Variants in OR1M1 observed in about 807,000 individuals in gnomAD.
The protein encoded by OR1M1 is olfactory receptor 1M1.
For missense variants in OR1M1, 397 were observed against 401.8 expected (o/e 0.99, Z 0.10); for synonymous variants, 157 against 165.5 (o/e 0.95, Z 0.39).
At chr19:9,093,198 T>G (rs2050303927) in intron 1 of OR1M1, 34 bp from the exon 2 acceptor site, 1 of 1,378,698 alleles carries the variant, frequency 7.3e-7, no homozygotes, top group African/African-American at 1.4e-5. Flanking sequence ...CATCTCCCTG[T>G]CATTCCTATA....
chr19:9,093,019 TTCTCTC>T lies in OR1M1; in HGVS notation c.-13-199_-13-194del, dbSNP rs34983826. 1.2e-3 allele frequency among the ~76,000 whole-genome samples: 169 copies of T among 135,710 alleles called. 2 individuals carry two copies. In the South Asian group the frequency reaches 0.037, roughly 29 times the overall value. The allele number at this position is 135,710 out of a possible 152,430, so 89.0% of individuals were successfully genotyped here. On this transcript the variant is annotated intron_variant, in intron 1 of 1. Coordinates refer to ENST00000641627, the MANE Select transcript of OR1M1 (RefSeq NM_001004456.2). ...CATGTGTGGAATATATTTACATATA[TTCTCTC>T]TCTCTCTCTCTCTATATATATATAT...
chr19:9,087,223 C>T (rs1417388513), intron 1 of OR1M1, 66 bp downstream of exon 1: 1 of 152,076 alleles, frequency 6.6e-6, no homozygotes, highest in African/African-American at 2.4e-5. Context: ...TTAATGAAGC[C>T]AAGCTCAATG....
intron 1 of OR1M1, among the ~76,000 whole-genome samples, chr19:9,090,231 G>A (rs940169802): frequency 6.6e-6 from 1 of 152,154 alleles, no homozygotes; most frequent in African/African-American, 2.4e-5. Flanking sequence ...CAAATGTCTT[G>A]AGGACAGGGT....
chr19:9,088,852 C>T (rs1031106515), intron 1 of OR1M1, among the ~76,000 whole-genome samples: 1 of 150,464 alleles, frequency 6.6e-6, no homozygotes, highest in Admixed American at 6.7e-5. Context: ...TGCACCATTG[C>T]ACTCCTGCCT....
At chr19:9,089,943 A>G (rs182267821) in intron 1 of OR1M1, among the ~76,000 whole-genome samples, 7 of 152,338 alleles carry the variant, frequency 4.6e-5, no homozygotes, top group Admixed American at 1.3e-4. Context: ...TACATGCTCT[A>G]GATTTAGAAT....
intron 1 of OR1M1, among the ~76,000 whole-genome samples, chr19:9,089,009 C>G (rs1056324279): frequency 1.3e-5 from 2 of 152,140 alleles, no homozygotes; most frequent in Non-Finnish European, 2.9e-5. Flanking sequence ...ATTAGCACAT[C>G]TATTATCACA....
At chr19:9,093,109 C>CACACACACAT (rs572607972) in intron 1 of OR1M1, 123 bp from the exon 2 acceptor site, 8,285 of 488,562 alleles carry the variant, frequency 0.017, 41 homozygotes, top group Non-Finnish European at 0.02. Flanking sequence ...CACACACACA[C>CACACACACAT]ATATATATAT....
At chr19:9,092,402 T>G (rs1315249074) in intron 1 of OR1M1, among the ~76,000 whole-genome samples, 3 of 151,982 alleles carry the variant, frequency 2.0e-5, no homozygotes. Flanking sequence ...AAGACCAGCC[T>G]GGACAACATA....
At chr19:9,088,888 CAA>C (rs56097294) in intron 1 of OR1M1, among the ~76,000 whole-genome samples, 99,877 of 149,102 alleles carry the variant, frequency 0.67, 33,360 homozygotes, top group East Asian at 0.8. Flanking sequence ...AACTCTGTCT[CAA>C]AAAAAAAAAA....
At chr19:9,087,515 G>A (rs910225528) in intron 1 of OR1M1, among the ~76,000 whole-genome samples, 5 of 151,822 alleles carry the variant, frequency 3.3e-5, no homozygotes, top group South Asian at 4.2e-4. Flanking sequence ...GCAATGGCAC[G>A]ATCTTGGCTC....
chr19:9,094,116 GC>G lies in OR1M1; in HGVS notation c.873del (p.Leu292Ter). ...CCCATGCTGAATCCCTTCATCTACA[GC>G]TTGAGGAACAGAGACCTGAAAGGGG... ...VTPMLNPFIY[S>X]LRNRDLKGAL... On this transcript the variant is annotated frameshift_variant, in exon 2 of 2. Coordinates refer to ENST00000641627, the MANE Select transcript of OR1M1 (RefSeq NM_001004456.2). LOFTEE classifies it low-confidence loss of function (END_TRUNC). The G allele has an allele frequency of 1.2e-6, 2 of 1,613,704 alleles. No individual in the cohort carries two copies. The highest frequency in any genetic ancestry group is 1.7e-6 in the Non-Finnish European group (2 of 1,180,002).
intron 1 of OR1M1, 180 bp from the exon 2 acceptor site, chr19:9,093,052 T>TAC (rs1190613758): frequency 2.4e-4 from 81 of 342,652 alleles, no homozygotes; most frequent in African/African-American, 9.6e-4. Flanking sequence ...TATATATATA[T>TAC]ACACACACAC....
Position 9,093,615 on chromosome 19 carries a change from T to C in OR1M1, c.371T>C (p.Val124Ala). 6.2e-7 allele frequency: 1 copy of C among 1,614,186 alleles called. No individual in the cohort carries two copies. The highest frequency in any genetic ancestry group is 8.5e-7 in the Non-Finnish European group (1 of 1,180,016). The change falls in exon 2 of 2, where the codon GTG becomes GCG. Residue 124 changes from valine to alanine, a missense_variant. Coordinates refer to ENST00000641627, the MANE Select transcript of OR1M1 (RefSeq NM_001004456.2). ...GCCATGATGGCTTATGACCGGTTCG[T>C]GGCCATCTGCCACCCATTGCACTAC... The part of the protein sequence containing the change: ...IIAMMAYDRF[V>A]AICHPLHYAK...
intron 1 of OR1M1, among the ~76,000 whole-genome samples, 173 bp downstream of exon 1, chr19:9,087,330 T>G (rs1197189798): frequency 6.6e-6 from 1 of 152,160 alleles, no homozygotes. Context: ...CAGGCTGGAG[T>G]GCAGTGGCAC....
intron 1 of OR1M1, among the ~76,000 whole-genome samples, chr19:9,092,551 T>C (rs942242711): frequency 5.9e-5 from 9 of 152,034 alleles, no homozygotes; most frequent in African/African-American, 1.9e-4. Context: ...TGCAATGAAC[T>C]ATGATTGCAC....
intron 1 of OR1M1, among the ~76,000 whole-genome samples, chr19:9,091,012 A>G (rs2050289720): frequency 6.6e-6 from 1 of 151,806 alleles, no homozygotes. Context: ...TAAAAAGTAC[A>G]AAAAATTAGC....
chr19:9,089,370 A>G (rs117048885), intron 1 of OR1M1, among the ~76,000 whole-genome samples: 11,123 of 149,858 alleles, frequency 0.074, 511 homozygotes, highest in Middle Eastern at 0.1. Flanking sequence ...AAATGACAAG[A>G]TCTCCTTCAT....
At chr19:9,087,460 T>C (rs1278533191) in intron 1 of OR1M1, among the ~76,000 whole-genome samples, 2 of 141,998 alleles carry the variant, frequency 1.4e-5, no homozygotes, top group African/African-American at 5.3e-5. Context: ...TGAACATTTT[T>C]CCCCCACCGA....
intron 1 of OR1M1, among the ~76,000 whole-genome samples, chr19:9,091,053 G>C (rs1600197968): frequency 1.3e-5 from 2 of 151,930 alleles, no homozygotes; most frequent in East Asian, 4.0e-4. Context: ...TGTAGTCCCA[G>C]CTACTCGGGA....
Sources: allele counts gnomAD v4.1 joint callset (sites outside exome capture counted in the v4.1 genomes callset), GRCh38; gene constraint gnomAD v4.1.1; transcripts MANE v1.5; gene names NCBI Gene and HGNC (gene_info 2026-07-23, HGNC 2026-07-21).